TMEM272: variants seen among roughly 807,000 people sequenced by gnomAD.
TMEM272 encodes the protein transmembrane protein 272.
In TMEM272, 8 loss-of-function variants were observed where a neutral mutation model predicts 3.7. The ratio of observed to expected loss-of-function variants is 2.17; its 90% CI spans 1.27 to 3.91. The LOEUF (loss-of-function observed/expected upper bound fraction) is 3.91. Ranked by LOEUF, TMEM272 falls within the 30% of genes most tolerant of loss-of-function variation. TMEM272 has a pLI of 0.00. For missense variants in TMEM272, 166 were observed against 91.5 expected, an observed-to-expected ratio of 1.81 and a Z score of -3.32; for synonymous variants, 63 against 39.8, an observed-to-expected ratio of 1.58 and a Z score of -2.20.
chr13:51,816,671 G>C lies in TMEM272; in HGVS notation c.*80C>G. The C allele has an allele frequency of 1.6e-6, 1 of 634,548 alleles. No homozygotes were observed. The highest frequency in any genetic ancestry group is 1.8e-5 in the South Asian group (1 of 56,566). 39.3% of individuals were successfully genotyped at this position (634,548 alleles called of 1,614,324 possible). A position where few individuals can be genotyped will look rare whatever the true frequency, so the allele number is the denominator to read the frequency against. ...TCTGAACCTGTGTGTGTGTGTGTGTGTGTGTGCGTCTGTGTGTCTGTGTGC... is the reference window on the plus strand; with the variant it reads ...TCTGAACCTGTGTGTGTGTGTGTGTCTGTGTGCGTCTGTGTGTCTGTGTGC... On this transcript the variant is annotated 3_prime_UTR_variant, in exon 5 of 5. Coordinates refer to ENST00000629372, the MANE Select transcript of TMEM272 (RefSeq NM_001351003.2).
At chr13:51,888,567 G>A in the TMEM272 span, among the ~76,000 whole-genome samples, 1 of 150,762 alleles carries the variant, frequency 6.6e-6, no homozygotes, top group South Asian at 2.1e-4. Flanking sequence ...TTTCTCACAT[G>A]ACAGCATTTT....
chr13:51,816,317 A>G lies in TMEM272; in HGVS notation c.*434T>C, dbSNP rs1279080371. ...GTGAAGTTAAGATATATCTTGTGTG[A>G]AAGTCTGTGCACTTTCTATAACTTC... On this transcript the variant is annotated 3_prime_UTR_variant, in exon 5 of 5. Transcript: ENST00000629372. 6.2e-6 allele frequency: 1 copy of G among 162,400 alleles called. No homozygotes were observed. The highest frequency in any genetic ancestry group is 2.4e-5 in the African/African-American group (1 of 41,722). The allele number at this position is 162,400 out of a possible 1,614,324, so 10.1% of individuals were successfully genotyped here. A position where few individuals can be genotyped will look rare whatever the true frequency, so the allele number is the denominator to read the frequency against.
At chr13:51,883,931 G>T in the TMEM272 span, among the ~76,000 whole-genome samples, 3 of 152,074 alleles carry the variant, frequency 2.0e-5, no homozygotes, top group Non-Finnish European at 2.9e-5. Flanking sequence ...CATCCATTCT[G>T]CTCTTTCCCT....
chr13:51,888,127 A>G, the TMEM272 span, among the ~76,000 whole-genome samples: 1 of 150,550 alleles, frequency 6.6e-6, no homozygotes, highest in African/African-American at 2.4e-5. Context: ...CTCACTGCAA[A>G]CTCCGCCTCC....
At chr13:51,896,608 T>C in the TMEM272 span, among the ~76,000 whole-genome samples, 9 of 152,240 alleles carry the variant, frequency 5.9e-5, no homozygotes, top group East Asian at 1.7e-3. Flanking sequence ...GCTGTGATTA[T>C]CAGACAAAGC....
At chr13:51,865,808 GA>G in the TMEM272 span, 20 of 1,614,114 alleles carry the variant, frequency 1.2e-5, no homozygotes, top group Non-Finnish European at 1.6e-5. Context: ...TGCCTTATGG[GA>G]AAGAGACCGG....
At chr13:51,926,267 T>G in the TMEM272 span, among the ~76,000 whole-genome samples, 1 of 152,130 alleles carries the variant, frequency 6.6e-6, no homozygotes, top group Non-Finnish European at 1.5e-5. Context: ...CCTGGGGACC[T>G]GGAGATGGGA....
the TMEM272 span, among the ~76,000 whole-genome samples, chr13:51,852,852 A>T: frequency 6.7e-6 from 1 of 150,322 alleles, no homozygotes; most frequent in African/African-American, 2.5e-5. Context: ...GCACCACTCC[A>T]GTCTGGGTAA....
In TMEM272 at chr13:51,833,614, G is replaced by A. The variant is rs143972221; in HGVS notation, c.58+4859C>T. Among the ~76,000 whole-genome samples the A allele has an allele frequency of 2.0e-3, 308 of 152,300 alleles. 1 individual carries two copies. The highest frequency in any genetic ancestry group is 7.1e-3 in the African/African-American group (296 of 41,574). ...GAATGGTGGAGGCACTGACGGAAATGTGAGGGACAGAAAGAGGAGGGGCTT... is the reference window on the plus strand; with the variant it reads ...GAATGGTGGAGGCACTGACGGAAATATGAGGGACAGAAAGAGGAGGGGCTT... On this transcript the variant is annotated intron_variant, in intron 2 of 4. Coordinates refer to ENST00000629372, the MANE Select transcript of TMEM272 (RefSeq NM_001351003.2).
At chr13:51,865,533 G>A in the TMEM272 span, 8 of 1,614,218 alleles carry the variant, frequency 5.0e-6, no homozygotes, top group Non-Finnish European at 6.8e-6. Context: ...AAGGCTTTTC[G>A]CGAAGAGATG....
chr13:51,929,265 T>C, the TMEM272 span, among the ~76,000 whole-genome samples: 1 of 152,126 alleles, frequency 6.6e-6, no homozygotes, highest in Non-Finnish European at 1.5e-5. Context: ...ATGATAAAAA[T>C]ACGTTGACTG....
chr13:51,912,455 T>G, the TMEM272 span, among the ~76,000 whole-genome samples: 2 of 152,210 alleles, frequency 1.3e-5, no homozygotes, highest in Admixed American at 1.3e-4. Context: ...CTCGGGAAAC[T>G]GATCTCTTAC....
At chr13:51,854,395 GT>G in the TMEM272 span, among the ~76,000 whole-genome samples, 1 of 152,162 alleles carries the variant, frequency 6.6e-6, no homozygotes, top group Non-Finnish European at 1.5e-5. Context: ...TTGAGACTGG[GT>G]ACTTGAAACC....
chr13:51,846,666 T>C (rs975049186), upstream of TMEM272, among the ~76,000 whole-genome samples: 1 of 152,206 alleles, frequency 6.6e-6, no homozygotes, highest in African/African-American at 2.4e-5. Flanking sequence ...AGATGACAGC[T>C]CCTGCCTGTT....
At chr13:51,865,010 T>C in the TMEM272 span, among the ~76,000 whole-genome samples, 4 of 152,148 alleles carry the variant, frequency 2.6e-5, no homozygotes, top group Non-Finnish European at 5.9e-5. Context: ...CCTAAATTCA[T>C]TCGGATTGAT....
upstream of TMEM272, among the ~76,000 whole-genome samples, chr13:51,845,427 C>A (rs1956297444): frequency 6.6e-6 from 1 of 152,190 alleles, no homozygotes; most frequent in African/African-American, 2.4e-5. Context: ...TCACCCCTTG[C>A]CCTCCCTGCA....
the TMEM272 span, among the ~76,000 whole-genome samples, chr13:51,913,101 C>T: frequency 6.6e-6 from 1 of 152,164 alleles, no homozygotes; most frequent in South Asian, 2.1e-4. Flanking sequence ...TCTCAGGGTT[C>T]AGTCTGTGCT....
chr13:51,905,913 G>C, the TMEM272 span, among the ~76,000 whole-genome samples: 1 of 152,204 alleles, frequency 6.6e-6, no homozygotes, highest in South Asian at 2.1e-4. Context: ...CTCTGAAGCA[G>C]ACAGGTAGGA....
the TMEM272 span, among the ~76,000 whole-genome samples, chr13:51,852,171 T>C: frequency 2.0e-5 from 3 of 152,266 alleles, no homozygotes; most frequent in African/African-American, 7.2e-5. Context: ...TGTCAAACTT[T>C]TGGATTTTTG....
Sources: allele counts gnomAD v4.1 joint callset (sites outside exome capture counted in the v4.1 genomes callset), GRCh38; gene constraint gnomAD v4.1.1; transcripts MANE v1.5; gene names NCBI Gene and HGNC (gene_info 2026-07-23, HGNC 2026-07-21).